Variants in RBFOX1 observed in about 807,000 individuals in gnomAD.
RBFOX1 encodes RNA binding fox-1 homolog 1.
A neutral mutation model predicts 57.7 loss-of-function variants in RBFOX1; 8 were observed. That is an observed-to-expected ratio of 0.14 (90% CI 0.08 to 0.25). The LOEUF (loss-of-function observed/expected upper bound fraction) is 0.25, where lower values mean the gene tolerates loss of function less well. Among genes scored for constraint, RBFOX1 ranks in the 10% least tolerant of loss-of-function variants. The pLI, the probability that RBFOX1 is intolerant of heterozygous loss-of-function variation, is 1.00. For missense variants in RBFOX1, 611 were observed against 548.5 expected, an observed-to-expected ratio of 1.11 and a Z score of -1.14; for synonymous variants, 326 against 222.4, an observed-to-expected ratio of 1.47 and a Z score of -4.15.
chr16:6,667,982 G>C (rs2098742945), intron 3 of RBFOX1, among the ~76,000 whole-genome samples: 1 of 152,086 alleles, frequency 6.6e-6, no homozygotes, highest in Non-Finnish European at 1.5e-5. Flanking sequence ...CTTTGACTCT[G>C]TTTCTTAGAT....
intron 1 of RBFOX1, among the ~76,000 whole-genome samples, chr16:6,271,321 G>A (rs940575008): frequency 6.6e-6 from 1 of 152,144 alleles, no homozygotes; most frequent in Non-Finnish European, 1.5e-5. Context: ...CTACTGGGGA[G>A]GTTGAGACAG....
chr16:5,693,686 T>A (rs1281971280), intron 3 of RBFOX1, among the ~76,000 whole-genome samples: 1 of 152,138 alleles, frequency 6.6e-6, no homozygotes, highest in Non-Finnish European at 1.5e-5. Flanking sequence ...CCAGTTAAAT[T>A]AAATAATCTT....
intron 1 of RBFOX1, among the ~76,000 whole-genome samples, chr16:6,122,968 A>G (rs1051663035): frequency 1.3e-5 from 2 of 152,124 alleles, no homozygotes; most frequent in African/African-American, 4.8e-5. Context: ...CATAAAAAAA[A>G]AAACTATTGG....
chr16:6,906,308 A>C lies in RBFOX1; in HGVS notation c.-15-145749A>C, dbSNP rs1377621391. On this transcript the variant is annotated intron_variant, in intron 3 of 15. Transcript: ENST00000550418. ...AATATTTATGTCTGTTGGCTGGGGT[A>C]ATAAAATTGTATTCAATTGTGTCTC... Among the ~76,000 whole-genome samples the C allele has an allele frequency of 2.0e-5, 3 of 151,616 alleles. No homozygotes were observed. The East Asian group carries it at 5.9e-4, about 30-fold the overall frequency.
chr16:6,356,534 A>G (rs973530664), intron 2 of RBFOX1, among the ~76,000 whole-genome samples: 4 of 152,226 alleles, frequency 2.6e-5, no homozygotes, highest in Admixed American at 6.5e-5. Context: ...GGAAATAAAC[A>G]TCAGATCAAT....
chr16:7,060,501 G>C (rs993765057), intron 4 of RBFOX1, among the ~76,000 whole-genome samples: 1 of 152,142 alleles, frequency 6.6e-6, no homozygotes, highest in African/African-American at 2.4e-5. Flanking sequence ...TGCTTTAAAG[G>C]CTTCCAGTTA....
At chr16:5,540,995 A>G (rs1276621077) in intron 2 of RBFOX1, among the ~76,000 whole-genome samples, 1 of 152,018 alleles carries the variant, frequency 6.6e-6, no homozygotes, top group Non-Finnish European at 1.5e-5. Context: ...GACTACAAAC[A>G]TGTGCTACCC....
chr16:5,287,719 G>C (rs143280384), intron 1 of RBFOX1, among the ~76,000 whole-genome samples: 34 of 152,290 alleles, frequency 2.2e-4, no homozygotes, highest in African/African-American at 7.9e-4. Context: ...AGGAGTGAGC[G>C]AGCACAAATG....
intron 2 of RBFOX1, among the ~76,000 whole-genome samples, chr16:6,594,324 G>A (rs956418570): frequency 4.6e-5 from 7 of 152,142 alleles, no homozygotes; most frequent in African/African-American, 1.7e-4. Flanking sequence ...AGGCCGACAA[G>A]ATCCCATATT....
At chr16:5,664,863 C>T (rs2049779199) in intron 3 of RBFOX1, among the ~76,000 whole-genome samples, 1 of 152,130 alleles carries the variant, frequency 6.6e-6, no homozygotes, top group Non-Finnish European at 1.5e-5. Context: ...TGGCCTTGAT[C>T]CTGTGTAGAA....
intron 4 of RBFOX1, among the ~76,000 whole-genome samples, chr16:7,412,272 A>G (rs1597786820): frequency 6.6e-6 from 1 of 151,204 alleles, no homozygotes; most frequent in South Asian, 2.1e-4. Flanking sequence ...AAAATTAGCC[A>G]GGCGTGGTGG....
Position 5,934,779 on chromosome 16 carries a change from G to T in RBFOX1, c.351+67444G>T, listed in dbSNP as rs181592730. 1.2e-4 allele frequency among the ~76,000 whole-genome samples: 19 copies of T among 152,268 alleles called. No individual in the cohort carries two copies. The East Asian group carries it at 2.9e-3, about 23-fold the overall frequency. On this transcript the variant is annotated intron_variant, in intron 4 of 19. Transcript: ENST00000641259. Reference sequence around the variant, plus strand: ...GTGGGGGACTGACCCACAGACCAAGGCTGCACGATGGATGAATAACATACT... The same window carrying T: ...GTGGGGGACTGACCCACAGACCAAGTCTGCACGATGGATGAATAACATACT...
At chr16:5,389,626 C>T (rs1156922407) in intron 1 of RBFOX1, among the ~76,000 whole-genome samples, 1 of 151,980 alleles carries the variant, frequency 6.6e-6, no homozygotes, top group Non-Finnish European at 1.5e-5. Context: ...CAATTCCCTC[C>T]TTCCCTCTCT....
intron 2 of RBFOX1, among the ~76,000 whole-genome samples, chr16:6,492,371 C>A (rs2095652860): frequency 6.6e-6 from 1 of 152,102 alleles, no homozygotes; most frequent in Admixed American, 6.6e-5. Flanking sequence ...AGTTCAAGAC[C>A]AGCCTGGCCA....
Position 6,224,786 on chromosome 16 carries a change from T to C in RBFOX1, c.-126-92209T>C, listed in dbSNP as rs2097403390. ...CCATAATCCCAGCATTTTAGGAAGC[T>C]GAGGTGGGTGGATCACCTGTGGTCA... On this transcript the variant is annotated intron_variant, in intron 1 of 15. Transcript: ENST00000550418. Among the ~76,000 whole-genome samples, 3 of 152,110 alleles carry C rather than the reference T, an allele frequency of 2.0e-5. No individual in the cohort carries two copies. The South Asian group carries it at 6.2e-4, about 31-fold the overall frequency.
At chr16:6,700,077 C>G (rs73535684) in intron 3 of RBFOX1, among the ~76,000 whole-genome samples, 7 of 152,092 alleles carry the variant, frequency 4.6e-5, no homozygotes, top group African/African-American at 1.2e-4. Context: ...TACTCTCCCC[C>G]ACTCACCGTA....
intron 1 of RBFOX1, among the ~76,000 whole-genome samples, chr16:5,382,544 A>G (rs903144462): frequency 7.2e-5 from 11 of 152,016 alleles, no homozygotes; most frequent in Non-Finnish European, 1.3e-4. Context: ...TGCAAACAGG[A>G]CTCACCTCCT....
intron 4 of RBFOX1, among the ~76,000 whole-genome samples, chr16:7,195,640 C>G (rs1053683565): frequency 9.9e-5 from 15 of 152,178 alleles, no homozygotes; most frequent in African/African-American, 3.1e-4. Flanking sequence ...TCACTGCAAC[C>G]TCCACCTCCC....
intron 4 of RBFOX1, among the ~76,000 whole-genome samples, chr16:7,217,872 G>A (rs188891384): frequency 1.3e-4 from 19 of 151,218 alleles, no homozygotes; most frequent in South Asian, 4.2e-4. Context: ...GTGTACACGC[G>A]TGTGTGCATG....
Sources: gnomAD v4.1 joint callset for allele counts (sites outside exome capture counted in the v4.1 genomes callset) on GRCh38, gnomAD v4.1.1 for gene constraint, MANE v1.5 for transcripts, NCBI Gene and HGNC (gene_info 2026-07-23, HGNC 2026-07-21) for gene names.